Variants in PCDH15 observed in about 807,000 individuals in gnomAD.
PCDH15 encodes the protein protocadherin related 15.
Under a neutral mutation model 178.5 loss-of-function variants are expected in PCDH15, and 129 were observed. The ratio of observed to expected loss-of-function variants is 0.72; its 90% CI spans 0.63 to 0.84. PCDH15 has a LOEUF of 0.84. Among genes scored for constraint, PCDH15 ranks in the 40% least tolerant of loss-of-function variants. The probability of loss-of-function intolerance (pLI) is 0.00; values close to 1 mark genes in which losing one functional copy is unlikely to be tolerated. For synonymous variants in PCDH15, 800 were observed against 732.0 expected (o/e 1.09, Z -1.50); for missense variants, 2,230 against 2,099.9 (o/e 1.06, Z -1.21).
intron 32 of PCDH15, chr10:53,823,015 G>A: frequency 6.2e-7 from 1 of 1,613,988 alleles, no homozygotes; most frequent in Non-Finnish European, 8.5e-7. Context: ...CACAGCCTCT[G>A]AATCTTTTCT....
chr10:55,505,785 A>G (rs1175716570), intron 2 of PCDH15, among the ~76,000 whole-genome samples: 3 of 151,512 alleles, frequency 2.0e-5, no homozygotes, highest in Non-Finnish European at 3.0e-5. Flanking sequence ...AAAATTAACA[A>G]TTATGCAATT....
chr10:54,229,812 A>C (rs1036663515), intron 9 of PCDH15, among the ~76,000 whole-genome samples: 1 of 152,154 alleles, frequency 6.6e-6, no homozygotes, highest in Non-Finnish European at 1.5e-5. Context: ...TGAAAACGGA[A>C]TAATATACTA....
At chr10:54,521,675 T>C (rs972018679) in intron 3 of PCDH15, among the ~76,000 whole-genome samples, 3 of 152,216 alleles carry the variant, frequency 2.0e-5, no homozygotes, top group Non-Finnish European at 4.4e-5. Flanking sequence ...CACATTCATA[T>C]TGACCTTTGG....
intron 2 of PCDH15, among the ~76,000 whole-genome samples, chr10:55,013,064 C>A (rs959242087): frequency 1.3e-5 from 2 of 152,078 alleles, no homozygotes; most frequent in African/African-American, 4.8e-5. Context: ...GCGTTTATTG[C>A]CCCCAAGCTG....
At chr10:53,872,205 C>T (rs16913791) in intron 26 of PCDH15, among the ~76,000 whole-genome samples, 9,719 of 152,166 alleles carry the variant, frequency 0.064, 990 homozygotes, top group African/African-American at 0.21. Context: ...ATGACACATC[C>T]AGCAACTTAT....
At chr10:53,839,014 C>T in intron 29 of PCDH15, among the ~76,000 whole-genome samples, 1 of 151,896 alleles carries the variant, frequency 6.6e-6, no homozygotes. Context: ...ACCATCCTGG[C>T]TAACATGGTA....
intron 1 of PCDH15, among the ~76,000 whole-genome samples, chr10:55,214,117 C>CTGTAT: frequency 6.6e-6 from 1 of 151,870 alleles, no homozygotes; most frequent in Non-Finnish European, 1.5e-5. Context: ...AGAACATATT[C>CTGTAT]TCTATGGTAC....
At chr10:55,047,657 T>C (rs565639586) in intron 2 of PCDH15, among the ~76,000 whole-genome samples, 2 of 151,894 alleles carry the variant, frequency 1.3e-5, no homozygotes, top group South Asian at 2.1e-4. Context: ...AAAGTATTTA[T>C]GGAGAATGGA....
At chr10:55,535,569 A>G (rs550929932) in intron 2 of PCDH15, among the ~76,000 whole-genome samples, 1 of 152,194 alleles carries the variant, frequency 6.6e-6, no homozygotes, top group Admixed American at 6.6e-5. Flanking sequence ...TTATGGGTTA[A>G]AATGGAGTCA....
chr10:55,236,724 A>G (rs1234465017), intron 1 of PCDH15, among the ~76,000 whole-genome samples: 3 of 152,034 alleles, frequency 2.0e-5, no homozygotes. Flanking sequence ...ATATGAATCA[A>G]AACTATACAT....
intron 2 of PCDH15, among the ~76,000 whole-genome samples, chr10:55,361,270 T>G (rs1845222662): frequency 6.6e-6 from 1 of 152,170 alleles, no homozygotes; most frequent in Admixed American, 6.6e-5. Flanking sequence ...GTGGTGCTAT[T>G]TACAGTGATG....
intron 2 of PCDH15, among the ~76,000 whole-genome samples, chr10:55,359,387 C>A (rs536511925): frequency 6.6e-6 from 1 of 151,784 alleles, no homozygotes; most frequent in Admixed American, 6.6e-5. Flanking sequence ...ATTCTTAAGA[C>A]AGTTATGTTT....
At chr10:53,888,330 ATG>A (rs2081283109) in intron 26 of PCDH15, among the ~76,000 whole-genome samples, 2 of 93,026 alleles carry the variant, frequency 2.1e-5, no homozygotes, top group African/African-American at 7.1e-5. Flanking sequence ...ACGTATATAT[ATG>A]TACGTATATA....
intron 3 of PCDH15, among the ~76,000 whole-genome samples, chr10:54,398,355 A>T (rs1951506621): frequency 6.6e-6 from 1 of 151,986 alleles, no homozygotes; most frequent in Non-Finnish European, 1.5e-5. Flanking sequence ...ATAGGTTCAC[A>T]CTTCTGAATC....
chr10:55,519,422 G>A (rs1841103339), intron 2 of PCDH15, among the ~76,000 whole-genome samples: 1 of 151,956 alleles, frequency 6.6e-6, no homozygotes, highest in Non-Finnish European at 1.5e-5. Context: ...GGGGACGGGT[G>A]GAACGGAAGT....
chr10:54,000,348 A>T (rs2092072870), intron 20 of PCDH15, among the ~76,000 whole-genome samples: 1 of 152,192 alleles, frequency 6.6e-6, no homozygotes, highest in African/African-American at 2.4e-5. Flanking sequence ...AAGCCACCAG[A>T]AACCAATCCT....
chr10:54,775,777 C>T (rs375544254), intron 1 of PCDH15, among the ~76,000 whole-genome samples: 18 of 152,060 alleles, frequency 1.2e-4, no homozygotes, highest in East Asian at 7.8e-4. Flanking sequence ...CCCAGCTACT[C>T]GGAGAGGCTG....
intron 1 of PCDH15, among the ~76,000 whole-genome samples, chr10:55,187,939 T>C (rs1302734980): frequency 6.6e-6 from 1 of 151,962 alleles, no homozygotes; most frequent in Non-Finnish European, 1.5e-5. Flanking sequence ...GAAAATATTC[T>C]GCAGGCAGTC....
At chr10:54,377,025 T>C (rs1454983193) in intron 4 of PCDH15, among the ~76,000 whole-genome samples, 1 of 151,956 alleles carries the variant, frequency 6.6e-6, no homozygotes, top group Non-Finnish European at 1.5e-5. Flanking sequence ...TAAAAATAAT[T>C]ATATAAATAT....
Sources: gnomAD v4.1 joint callset for allele counts (sites outside exome capture counted in the v4.1 genomes callset) on GRCh38, gnomAD v4.1.1 for gene constraint, MANE v1.5 for transcripts, NCBI Gene and HGNC (gene_info 2026-07-23, HGNC 2026-07-21) for gene names.